The following KCNH5 variants were observed in gnomAD, a reference collection of about 807,000 sequenced individuals.
KCNH5 encodes potassium voltage-gated channel subfamily H member 5.
A neutral mutation model predicts 96.1 loss-of-function variants in KCNH5; 46 were observed. The ratio of observed to expected loss-of-function variants is 0.48; its 90% CI spans 0.38 to 0.61. The LOEUF is 0.61. Ranked by LOEUF, KCNH5 falls within the 20% of genes least tolerant of loss-of-function variation. The probability of loss-of-function intolerance (pLI) is 0.00; values close to 1 mark genes in which losing one functional copy is unlikely to be tolerated. For synonymous variants in KCNH5, 439 were observed against 449.8 expected (o/e 0.98, Z 0.30); for missense variants, 907 against 1,225.8 (o/e 0.74, Z 3.88).
At chr14:62,983,859 T>A (rs1890656639) in intron 5 of KCNH5, among the ~76,000 whole-genome samples, 1 of 152,158 alleles carries the variant, frequency 6.6e-6, no homozygotes, top group South Asian at 2.1e-4. Flanking sequence ...GTCTTACATT[T>A]CTTTAGACAT....
chr14:62,739,397 T>C (rs1183878369), intron 10 of KCNH5, among the ~76,000 whole-genome samples: 2 of 152,202 alleles, frequency 1.3e-5, no homozygotes, highest in African/African-American at 2.4e-5. Flanking sequence ...TAAGGCTCTG[T>C]AGGCTAACAA....
chr14:62,754,371 A>T (rs2095319), intron 10 of KCNH5, among the ~76,000 whole-genome samples: 148,832 of 151,962 alleles, frequency 0.98, 72,951 homozygotes, highest in East Asian at 1. Context: ...CATAACAAAA[A>T]GGCAGAAGTA....
intron 10 of KCNH5, among the ~76,000 whole-genome samples, chr14:62,770,875 T>C (rs1225457062): frequency 6.6e-6 from 1 of 152,210 alleles, no homozygotes; most frequent in African/African-American, 2.4e-5. Flanking sequence ...GACTGAATGT[T>C]TATGTCTCCC....
chr14:62,805,955 T>C (rs1886758671), intron 8 of KCNH5, among the ~76,000 whole-genome samples: 1 of 152,140 alleles, frequency 6.6e-6, no homozygotes, highest in Non-Finnish European at 1.5e-5. Flanking sequence ...CTGGGCTGCA[T>C]TTCCAGACAG....
chr14:62,930,506 C>G (rs916762431), intron 7 of KCNH5, among the ~76,000 whole-genome samples: 1 of 152,152 alleles, frequency 6.6e-6, no homozygotes, highest in Non-Finnish European at 1.5e-5. Context: ...GCTTCACAAG[C>G]ATCCCAGTGA....
chr14:62,928,696 A>T (rs1889522326), intron 7 of KCNH5, among the ~76,000 whole-genome samples: 1 of 151,992 alleles, frequency 6.6e-6, no homozygotes, highest in Admixed American at 6.6e-5. Context: ...ATTGACCTGT[A>T]AGAGGAACTT....
chr14:62,874,966 T>C (rs1452719460), intron 7 of KCNH5, among the ~76,000 whole-genome samples: 3 of 142,200 alleles, frequency 2.1e-5, no homozygotes, highest in African/African-American at 7.8e-5. Context: ...CAAAATCTCC[T>C]TAAGCTGATA....
chr14:62,920,478 G>T (rs1889359269), intron 7 of KCNH5, among the ~76,000 whole-genome samples: 2 of 151,868 alleles, frequency 1.3e-5, no homozygotes, highest in Non-Finnish European at 2.9e-5. Context: ...GCTTATAATG[G>T]GGTACAAAAC....
At chr14:62,923,089 C>G (rs899925067) in intron 7 of KCNH5, among the ~76,000 whole-genome samples, 3 of 151,728 alleles carry the variant, frequency 2.0e-5, no homozygotes, top group African/African-American at 7.2e-5. Context: ...GACTTCATGA[C>G]AAAGCTGTTA....
At chr14:63,009,528 T>C (rs1443593030) in intron 2 of KCNH5, among the ~76,000 whole-genome samples, 1 of 152,232 alleles carries the variant, frequency 6.6e-6, no homozygotes, top group African/African-American at 2.4e-5. Context: ...TCATTTATTA[T>C]ACCGCATATT....
chr14:62,904,353 A>G (rs1219027498), intron 7 of KCNH5, among the ~76,000 whole-genome samples: 2 of 152,218 alleles, frequency 1.3e-5, no homozygotes, highest in African/African-American at 4.8e-5. Context: ...GTATGCTACT[A>G]TGACAGAAGA....
At position 63,032,408 on chromosome 14, in the gene KCNH5, G is replaced by A. The variant is rs140098291; in HGVS notation, c.73+12706C>T. On this transcript the variant is annotated intron_variant, in intron 1 of 10. Transcript: ENST00000322893. ...GCAGGCAGTCGCAGCTTCAAGTATCGACCCACCCTTCACAGTGCTCCCATT... is the reference window on the plus strand; with the variant it reads ...GCAGGCAGTCGCAGCTTCAAGTATCAACCCACCCTTCACAGTGCTCCCATT... Among the ~76,000 whole-genome samples, 615 of 152,184 alleles carry A rather than the reference G, an allele frequency of 4.0e-3. 8 individuals are homozygous for A. Among genetic ancestry groups the A allele is most frequent in the African/African-American group, 0.014 (581 of 41,528 alleles).
At chr14:62,752,618 T>C (rs1356576050) in intron 10 of KCNH5, among the ~76,000 whole-genome samples, 2 of 152,086 alleles carry the variant, frequency 1.3e-5, no homozygotes, top group Admixed American at 1.3e-4. Context: ...ACAAGACTAA[T>C]ATGGTTTGGC....
intron 8 of KCNH5, among the ~76,000 whole-genome samples, chr14:62,843,801 A>G (rs985752375): frequency 1.3e-5 from 2 of 152,122 alleles, no homozygotes; most frequent in African/African-American, 2.4e-5. Context: ...GATATATACC[A>G]TCACGGGAAC....
chr14:62,973,468 A>T (rs560697671), intron 6 of KCNH5, among the ~76,000 whole-genome samples: 1 of 152,308 alleles, frequency 6.6e-6, no homozygotes, highest in African/African-American at 2.4e-5. Flanking sequence ...TGCTGCTATA[A>T]AAAGGGCTTG....
At chr14:62,943,716 AG>A (rs1275857192) in intron 7 of KCNH5, among the ~76,000 whole-genome samples, 2 of 152,150 alleles carry the variant, frequency 1.3e-5, no homozygotes, top group African/African-American at 4.8e-5. Flanking sequence ...ACAGATACAG[AG>A]GAATGGGGAG....
intron 10 of KCNH5, among the ~76,000 whole-genome samples, chr14:62,756,818 T>C (rs1473268386): frequency 6.6e-6 from 1 of 152,174 alleles, no homozygotes; most frequent in Non-Finnish European, 1.5e-5. Context: ...ATTAAAGACT[T>C]AAATCTATGT....
At chr14:62,926,590 G>T (rs1889480546) in intron 7 of KCNH5, among the ~76,000 whole-genome samples, 1 of 152,032 alleles carries the variant, frequency 6.6e-6, no homozygotes, top group Non-Finnish European at 1.5e-5. Flanking sequence ...CTGAGATCAG[G>T]GTGCCAGCAT....
chr14:62,796,831 T>C (rs1482673427), intron 9 of KCNH5, among the ~76,000 whole-genome samples: 1 of 152,078 alleles, frequency 6.6e-6, no homozygotes, highest in African/African-American at 2.4e-5. Flanking sequence ...TCTGGAAAGG[T>C]GGGACAACTT....
Sources: gnomAD v4.1 joint callset for allele counts (sites outside exome capture counted in the v4.1 genomes callset) on GRCh38, gnomAD v4.1.1 for gene constraint, MANE v1.5 for transcripts, NCBI Gene and HGNC (gene_info 2026-07-23, HGNC 2026-07-21) for gene names.